The following CDKAL1 variants were observed in gnomAD, a reference collection of about 807,000 sequenced individuals.
CDKAL1 encodes threonylcarbamoyladenosine tRNA methylthiotransferase.
A neutral mutation model predicts 68.2 loss-of-function variants in CDKAL1; 32 were observed. That is an observed-to-expected ratio of 0.47 (90% CI 0.35 to 0.63). The LOEUF is 0.63. Ranked by LOEUF, CDKAL1 falls within the 30% of genes least tolerant of loss-of-function variation. CDKAL1 has a pLI of 0.00. For synonymous variants in CDKAL1, 234 were observed against 244.3 expected (o/e 0.96, Z 0.39); for missense variants, 606 against 696.7 (o/e 0.87, Z 1.47).
intron 9 of CDKAL1, among the ~76,000 whole-genome samples, chr6:20,870,602 T>C (rs982405345): frequency 5.9e-5 from 9 of 152,192 alleles, no homozygotes; most frequent in Non-Finnish European, 1.0e-4. Flanking sequence ...AGCATTTTTT[T>C]CCCCTCATAC....
At chr6:21,076,401 A>G (rs1162084576) in intron 12 of CDKAL1, among the ~76,000 whole-genome samples, 1 of 152,220 alleles carries the variant, frequency 6.6e-6, no homozygotes, top group Admixed American at 6.5e-5. Flanking sequence ...ACATGTACAT[A>G]TGTCCGAGAA....
intron 11 of CDKAL1, among the ~76,000 whole-genome samples, chr6:21,052,632 G>A (rs934677653): frequency 3.4e-5 from 5 of 145,988 alleles, no homozygotes; most frequent in Admixed American, 7.1e-5. Context: ...CTTGGCCTCC[G>A]AAAGTGCTGG....
chr6:20,601,837 T>C (rs539263319), intron 4 of CDKAL1, among the ~76,000 whole-genome samples: 1 of 152,332 alleles, frequency 6.6e-6, no homozygotes, highest in South Asian at 2.1e-4. Flanking sequence ...CCAGATCATA[T>C]TTATTCAACC....
chr6:20,799,044 T>TTTG (rs1776246809), intron 8 of CDKAL1, among the ~76,000 whole-genome samples: 3 of 102,588 alleles, frequency 2.9e-5, no homozygotes, highest in African/African-American at 1.2e-4. Flanking sequence ...AACTGAGTTT[T>TTTG]TTTTTTTTTT....
intron 7 of CDKAL1, among the ~76,000 whole-genome samples, chr6:20,760,918 A>G (rs1774432904): frequency 6.6e-6 from 1 of 152,198 alleles, no homozygotes; most frequent in African/African-American, 2.4e-5. Context: ...GGATGTCATT[A>G]AGTTGAAAAT....
chr6:21,011,941 C>G (rs886621248), intron 11 of CDKAL1, among the ~76,000 whole-genome samples: 1 of 151,536 alleles, frequency 6.6e-6, no homozygotes, highest in Admixed American at 6.6e-5. Flanking sequence ...AAAAATATGG[C>G]ATAAAAAAAA....
At chr6:20,894,128 A>G (rs746351651) in intron 9 of CDKAL1, among the ~76,000 whole-genome samples, 1 of 152,188 alleles carries the variant, frequency 6.6e-6, no homozygotes, top group Non-Finnish European at 1.5e-5. Flanking sequence ...TTGACTGCAC[A>G]CTAAGTATCT....
intron 7 of CDKAL1, among the ~76,000 whole-genome samples, chr6:20,774,726 A>T (rs1248498263): frequency 6.6e-6 from 1 of 152,226 alleles, no homozygotes; most frequent in Non-Finnish European, 1.5e-5. Context: ...AGTGAATTGT[A>T]TCAAAAGCTA....
chr6:21,084,059 G>A (rs1327939128), intron 12 of CDKAL1, among the ~76,000 whole-genome samples: 2 of 152,168 alleles, frequency 1.3e-5, no homozygotes, highest in African/African-American at 2.4e-5. Flanking sequence ...ATAAGAACTT[G>A]TAATCCCAAG....
chr6:20,898,273 G>C (rs531156102), intron 9 of CDKAL1, among the ~76,000 whole-genome samples: 178 of 151,196 alleles, frequency 1.2e-3, no homozygotes, highest in Non-Finnish European at 1.9e-3. Flanking sequence ...ATACTCTCCT[G>C]GTCCTTAGTT....
chr6:20,568,750 A>AAC (rs1561931900), intron 4 of CDKAL1, among the ~76,000 whole-genome samples: 1 of 89,922 alleles, frequency 1.1e-5, no homozygotes. Flanking sequence ...AAAAAAAAAA[A>AAC]CAAAAAAACA....
intron 8 of CDKAL1, among the ~76,000 whole-genome samples, chr6:20,783,837 A>G (rs750593449): frequency 3.9e-5 from 6 of 152,180 alleles, no homozygotes; most frequent in East Asian, 1.9e-4. Flanking sequence ...AGTGAGTACA[A>G]TTGTCCCTCG....
intron 5 of CDKAL1, among the ~76,000 whole-genome samples, chr6:20,721,379 G>A (rs1772351777): frequency 6.6e-6 from 1 of 152,032 alleles, no homozygotes; most frequent in Admixed American, 6.6e-5. Context: ...CATTTGGGTT[G>A]GTTCCAAGGC....
At chr6:21,086,430 G>T (rs1772698035) in intron 12 of CDKAL1, among the ~76,000 whole-genome samples, 1 of 152,106 alleles carries the variant, frequency 6.6e-6, no homozygotes, top group Non-Finnish European at 1.5e-5. Context: ...TCTTTTAACT[G>T]GCGCTACAAC....
Position 21,193,181 on chromosome 6 carries a change from CTT to C in CDKAL1, c.1300-4839_1300-4838del, listed in dbSNP as rs1778329842. Among the ~76,000 whole-genome samples the C allele has an allele frequency of 2.0e-5, 3 of 152,174 alleles. No homozygotes were observed. In the South Asian group the frequency reaches 6.2e-4, roughly 32 times the overall value. ...GAAACTTCAAGACACTCAATAGCCTCTTGAGACACCTTGTAATTGTTTCCTGG... is the reference window on the plus strand; with the variant it reads ...GAAACTTCAAGACACTCAATAGCCTCGAGACACCTTGTAATTGTTTCCTGG... On this transcript the variant is annotated intron_variant, in intron 13 of 15. Coordinates refer to ENST00000274695, the MANE Select transcript of CDKAL1 (RefSeq NM_017774.3).
At position 20,836,919 on chromosome 6, in the gene CDKAL1, G is replaced by T. The variant is rs538912545; in HGVS notation, c.639-9156G>T. Among the ~76,000 whole-genome samples the T allele has an allele frequency of 6.6e-5, 10 of 152,280 alleles. 1 individual carries two copies. The South Asian group carries it at 2.1e-3, about 32-fold the overall frequency. ...ATTTGGGTAGTCGCCTTGATAGCCA[G>T]TGGACTGTGTGCTAAGGCCCTACCA... On this transcript the variant is annotated intron_variant, in intron 8 of 15. Transcript: ENST00000274695.
chr6:20,557,272 G>A (rs1221981025), intron 4 of CDKAL1, among the ~76,000 whole-genome samples: 1 of 151,934 alleles, frequency 6.6e-6, no homozygotes, highest in Non-Finnish European at 1.5e-5. Context: ...GATGATGTCT[G>A]TTGTTAATAT....
chr6:20,823,634 T>C (rs1777380609), intron 8 of CDKAL1, among the ~76,000 whole-genome samples: 1 of 152,170 alleles, frequency 6.6e-6, no homozygotes, highest in Non-Finnish European at 1.5e-5. Flanking sequence ...TGGAGTTACT[T>C]CTAAACAGAA....
intron 4 of CDKAL1, among the ~76,000 whole-genome samples, chr6:20,598,465 CT>C (rs1765936732): frequency 6.6e-6 from 1 of 152,098 alleles, no homozygotes; most frequent in Non-Finnish European, 1.5e-5. Context: ...ATACACTGGA[CT>C]TTTACATGAA....
Sources: allele counts gnomAD v4.1 joint callset (sites outside exome capture counted in the v4.1 genomes callset), GRCh38; gene constraint gnomAD v4.1.1; transcripts MANE v1.5; gene names NCBI Gene and HGNC (gene_info 2026-07-23, HGNC 2026-07-21).